The following NDEL1 variants were observed in gnomAD, a reference collection of about 807,000 sequenced individuals.
The protein encoded by NDEL1 is nuclear distribution protein nudE-like 1.
NDEL1 carries 9 observed loss-of-function variants against 45.7 expected under a neutral mutation model. That is an observed-to-expected ratio of 0.20 (90% CI 0.12 to 0.34). The LOEUF (loss-of-function observed/expected upper bound fraction) is 0.34. Ranked by LOEUF, NDEL1 falls within the 10% of genes least tolerant of loss-of-function variation. The probability of loss-of-function intolerance (pLI) is 1.00; values close to 1 mark genes in which losing one functional copy is unlikely to be tolerated. For missense variants in NDEL1, 306 were observed against 406.2 expected (o/e 0.75, Z 2.12); for synonymous variants, 133 against 158.6 (o/e 0.84, Z 1.21).
chr17:8,440,745 G>A (rs1446876564), intron 1 of NDEL1, among the ~76,000 whole-genome samples: 1 of 152,156 alleles, frequency 6.6e-6, no homozygotes, highest in Admixed American at 6.5e-5. Flanking sequence ...AGAGACAAAT[G>A]GATACTCGCA....
chr17:8,415,213 C>T (rs1402597719), intron 1 of NDEL1, among the ~76,000 whole-genome samples: 2 of 149,596 alleles, frequency 1.3e-5, no homozygotes, highest in Non-Finnish European at 3.0e-5. Flanking sequence ...GGATCTTGCT[C>T]TGTTGCCCAG....
intron 1 of NDEL1, among the ~76,000 whole-genome samples, chr17:8,441,238 G>C (rs1909713878): frequency 6.6e-6 from 1 of 152,176 alleles, no homozygotes; most frequent in Non-Finnish European, 1.5e-5. Flanking sequence ...AAATATTTAA[G>C]GGACTGAGAT....
chr17:8,452,949 G>A (rs1035504648), intron 6 of NDEL1, among the ~76,000 whole-genome samples: 1 of 151,736 alleles, frequency 6.6e-6, no homozygotes, highest in African/African-American at 2.4e-5. Flanking sequence ...ATGTTGGTCA[G>A]GCCAGTCTCA....
In NDEL1 at chr17:8,450,791, G is replaced by T. The variant is rs1165496945; in HGVS notation, c.538G>T (p.Glu180Ter). The T allele has an allele frequency of 6.2e-7, 1 of 1,609,278 alleles. No homozygotes were observed. Reference protein sequence around the residue: ...LKDEARDLRQELAVRERQQEV... With the variant: ...LKDEARDLRQ Reference sequence around the variant, plus strand: ...GCAATATTTTACAGATTTAAGGCAAGAACTAGCAGTTCGGGAAAGACAACA... The same window carrying T: ...GCAATATTTTACAGATTTAAGGCAATAACTAGCAGTTCGGGAAAGACAACA... Residue 180 changes from glutamate (E) to a stop codon, truncating the protein, a stop_gained, in exon 6 of 9, where the codon GAA (glutamate) becomes TAA (stop). Coordinates refer to ENST00000334527, the MANE Select transcript of NDEL1 (RefSeq NM_030808.5). LOFTEE classifies it high-confidence loss of function.
chr17:8,428,113 A>G (rs1908885064), intron 1 of NDEL1, among the ~76,000 whole-genome samples: 1 of 152,054 alleles, frequency 6.6e-6, no homozygotes, highest in Non-Finnish European at 1.5e-5. Context: ...GCAGAAATAG[A>G]TTAGTCTGCT....
chr17:8,468,196 A>T (rs1213989066), downstream of NDEL1: 2 of 152,216 alleles, frequency 1.3e-5, no homozygotes, highest in Non-Finnish European at 2.9e-5. Context: ...CTGCCATCCC[A>T]TGAGAGGAGA....
intron 8 of NDEL1, among the ~76,000 whole-genome samples, chr17:8,461,815 A>C (rs1366046449): frequency 1.3e-5 from 2 of 152,166 alleles, no homozygotes; most frequent in African/African-American, 4.8e-5. Context: ...AGTAGTTATT[A>C]GTTTCTCCTT....
chr17:8,473,366 T>C (rs1911951701), intron 3 of NDEL1, among the ~76,000 whole-genome samples: 2 of 152,208 alleles, frequency 1.3e-5, no homozygotes, highest in Middle Eastern at 3.4e-3. Context: ...TTTGTATTTT[T>C]AGTAGAGACG....
downstream of NDEL1, among the ~76,000 whole-genome samples, chr17:8,470,057 C>T (rs911846908): frequency 7.9e-5 from 12 of 151,892 alleles, no homozygotes; most frequent in African/African-American, 1.7e-4. This position sits in a 1 kb window ranked among gnomAD's most constrained non-coding sequence, Gnocchi z 4.2. Context: ...AATGATCCCC[C>T]GTGAAGAAAG....
At chr17:8,441,726 G>A (rs1390564977) in intron 1 of NDEL1, among the ~76,000 whole-genome samples, 7 of 151,692 alleles carry the variant, frequency 4.6e-5, no homozygotes, top group Non-Finnish European at 1.0e-4. Flanking sequence ...ATTTTTCTTG[G>A]TGTCATCCGT....
At chr17:8,414,134 C>T (rs1252072017) in intron 1 of NDEL1, among the ~76,000 whole-genome samples, 1 of 152,158 alleles carries the variant, frequency 6.6e-6, no homozygotes, top group Non-Finnish European at 1.5e-5. Flanking sequence ...TTTTTAACAG[C>T]TATGTAGTAT....
rs1246081848 is a variant in NDEL1, at chr17:8,462,172, A to G, written c.944+2012A>G. ...GCTTTACTTCCTGAGCTGAACCCGG[A>G]AATGTGCTGTGCTTCCCAATCGGAA... is the stretch of plus-strand genomic sequence containing the variant. On this transcript the variant is annotated intron_variant, in intron 8 of 8. Coordinates refer to ENST00000334527, the MANE Select transcript of NDEL1 (RefSeq NM_030808.5). Among the ~76,000 whole-genome samples the G allele has an allele frequency of 4.6e-5, 7 of 151,634 alleles. 1 individual carries two copies. In the South Asian group the frequency reaches 1.5e-3, roughly 32 times the overall value.
At chr17:8,457,577 T>G (rs561239632) in intron 7 of NDEL1, among the ~76,000 whole-genome samples, 1 of 152,272 alleles carries the variant, frequency 6.6e-6, no homozygotes, top group Non-Finnish European at 1.5e-5. Flanking sequence ...CTTTGTCCAC[T>G]GACTTGAACT....
upstream of NDEL1, among the ~76,000 whole-genome samples, chr17:8,433,225 G>A (rs1048286070): frequency 3.3e-5 from 5 of 152,198 alleles, no homozygotes; most frequent in Non-Finnish European, 7.3e-5. Context: ...TGGAAAGTTA[G>A]CTCAACTTTA....
At chr17:8,447,043 A>ATTT in intron 4 of NDEL1, 141 bp downstream of exon 4, 1 of 1,029,432 alleles carries the variant, frequency 9.7e-7, no homozygotes, top group Non-Finnish European at 1.4e-6. Flanking sequence ...CATCGGACGG[A>ATTT]AGGGAACCCC....
intron 1 of NDEL1, among the ~76,000 whole-genome samples, chr17:8,426,015 C>T (rs1597513607): frequency 6.6e-6 from 1 of 152,324 alleles, no homozygotes; most frequent in Non-Finnish European, 1.5e-5. Flanking sequence ...GTTTTGAATT[C>T]CTGGCCTCAA....
intron 7 of NDEL1, among the ~76,000 whole-genome samples, chr17:8,456,443 A>T (rs1910848309): frequency 6.6e-6 from 1 of 151,392 alleles, no homozygotes; most frequent in Admixed American, 6.6e-5. Context: ...TTTTAAAAAA[A>T]TTACTTTAAC....
intron 1 of NDEL1, among the ~76,000 whole-genome samples, chr17:8,415,698 C>T (rs1908531782): frequency 6.6e-6 from 1 of 151,802 alleles, no homozygotes; most frequent in Non-Finnish European, 1.5e-5. Context: ...GCTGGGATTA[C>T]AGGCGTGAGA....
rs1229278814 is a variant in NDEL1, at chr17:8,460,120, A to C, written c.904A>C (p.Lys302Gln). 6.2e-7 allele frequency: 1 copy of C among 1,614,174 alleles called. No individual in the cohort carries two copies. The highest frequency in any genetic ancestry group is 1.1e-5 in the South Asian group (1 of 91,074). Residue 302 changes from lysine (K) to glutamine (Q), a missense_variant, in exon 8 of 9, where the codon AAG becomes CAG. Coordinates refer to ENST00000334527, the MANE Select transcript of NDEL1 (RefSeq NM_030808.5). The stretch of plus-strand genomic sequence containing the variant: ...TGGGGTGCTGAATGGCAATGGCACA[A>C]AGTTCTCTCGATCAGGGCATACATC... ...NCGVLNGNGT[K>Q]FSRSGHTSFF... is the part of the protein sequence containing the mutation.
Sources: allele counts gnomAD v4.1 joint callset (sites outside exome capture counted in the v4.1 genomes callset), GRCh38; gene constraint gnomAD v4.1.1; non-coding constraint Gnocchi (gnomAD v3.1); transcripts MANE v1.5; gene names NCBI Gene and HGNC (gene_info 2026-07-23, HGNC 2026-07-21).